Variants in PARD3B observed in about 807,000 individuals in gnomAD.
PARD3B encodes partitioning defective 3 homolog B.
In PARD3B, 103 loss-of-function variants were observed where a neutral mutation model predicts 130.2. The ratio of observed to expected loss-of-function variants is 0.79; its 90% CI spans 0.67 to 0.93. PARD3B has a LOEUF of 0.93. Ranked by LOEUF, PARD3B falls within the 40% of genes least tolerant of loss-of-function variation. PARD3B has a pLI of 0.00. For synonymous variants in PARD3B, 583 were observed against 553.2 expected (o/e 1.05, Z -0.76); for missense variants, 1,609 against 1,499.2 (o/e 1.07, Z -1.21).
At chr2:204,962,483 G>A (rs923726901) in intron 2 of PARD3B, among the ~76,000 whole-genome samples, 3 of 152,050 alleles carry the variant, frequency 2.0e-5, no homozygotes, top group Non-Finnish European at 4.4e-5. Flanking sequence ...CTTTGAATGG[G>A]TTTAAAGGCA....
At chr2:205,203,415 T>C (rs993050281) in intron 15 of PARD3B, among the ~76,000 whole-genome samples, 7 of 150,344 alleles carry the variant, frequency 4.7e-5, no homozygotes, top group African/African-American at 1.7e-4. Flanking sequence ...ACTATACTTT[T>C]ACTTTTTACT....
At position 204,765,806 on chromosome 2, in the gene PARD3B, A is replaced by C. The variant is rs1371147910; in HGVS notation, c.222+79524A>C. The stretch of plus-strand genomic sequence containing the variant: ...TAGCACCTGTGGGCCTTGCCTTAGA[A>C]GATGCCTGACAAGGACAGTTGAAAT... On this transcript the variant is annotated intron_variant, in intron 2 of 22. Coordinates refer to ENST00000406610, the MANE Select transcript of PARD3B (RefSeq NM_001302769.2). Among the ~76,000 whole-genome samples, 3 of 152,180 alleles carry C rather than the reference A, an allele frequency of 2.0e-5. No homozygotes were observed. The East Asian group carries it at 5.8e-4, about 29-fold the overall frequency.
At chr2:205,007,963 G>T (rs752648112) in intron 3 of PARD3B, among the ~76,000 whole-genome samples, 23 of 152,134 alleles carry the variant, frequency 1.5e-4, no homozygotes, top group Non-Finnish European at 3.2e-4. Context: ...TTGCAAAAAA[G>T]ATTGAGTTCC....
Position 205,550,955 on chromosome 2 carries a change from G to GTGTGTGTA in PARD3B, c.3181-2368_3181-2367insGTGTGTAT, listed in dbSNP as rs796567936. Among the ~76,000 whole-genome samples, 1,853 of 93,994 alleles carry GTGTGTGTA rather than the reference G, an allele frequency of 0.02. 37 individuals are homozygous for GTGTGTGTA. The highest frequency in any genetic ancestry group is 0.1 in the East Asian group (298 of 2,978). 61.7% of individuals were successfully genotyped at this position (93,994 alleles called of 152,430 possible). ...TGTGTGTGTGTGTATATATATATGT[G>GTGTGTGTA]TATATATATATATATATATATACAC... On this transcript the variant is annotated intron_variant, in intron 21 of 22. Transcript: ENST00000406610. The surrounding 1 kb of genome is among the most constrained non-coding windows in gnomAD (Gnocchi z 4.5).
At chr2:204,582,399 A>G (rs1314983010) in intron 1 of PARD3B, among the ~76,000 whole-genome samples, 1 of 152,132 alleles carries the variant, frequency 6.6e-6, no homozygotes, top group Admixed American at 6.5e-5. Context: ...TATTTTTCTT[A>G]AGGAAAGATA....
chr2:205,304,828 C>G (rs2042134727), intron 18 of PARD3B, among the ~76,000 whole-genome samples: 1 of 152,030 alleles, frequency 6.6e-6, no homozygotes, highest in Non-Finnish European at 1.5e-5. Flanking sequence ...GCCTATAGTC[C>G]CAGCTACTCA....
chr2:205,076,834 T>C (rs1701095214), intron 4 of PARD3B, among the ~76,000 whole-genome samples: 1 of 152,178 alleles, frequency 6.6e-6, no homozygotes, highest in Non-Finnish European at 1.5e-5. Context: ...TGGGGACCAC[T>C]GCTCTAGATA....
Position 205,185,828 on chromosome 2 carries a change from T to G in PARD3B, c.1989T>G (p.Ser663=). Residue 663 remains serine, a synonymous_variant, in exon 14 of 23, where the codon TCT becomes TCG. Coordinates refer to ENST00000406610, the MANE Select transcript of PARD3B (RefSeq NM_001302769.2). ...SEVPPSPTPH[S]ALGLGLEDYS... ...TTCCACCTTCTCCAACACCACATTC[T>G]GCTCTGGGATTGGGCCTCGAAGATT... The G allele has an allele frequency of 6.2e-7, 1 of 1,614,094 alleles. No homozygotes were observed. Among genetic ancestry groups the G allele is most frequent in the Non-Finnish European group, 8.5e-7 (1 of 1,179,942 alleles).
intron 3 of PARD3B, among the ~76,000 whole-genome samples, chr2:205,030,935 G>A (rs1356273279): frequency 6.6e-6 from 1 of 152,134 alleles, no homozygotes; most frequent in East Asian, 1.9e-4. Context: ...GCTCAGTAAT[G>A]TCTTTTTATT....
At chr2:205,156,478 A>G (rs570393041) in intron 10 of PARD3B, among the ~76,000 whole-genome samples, 12 of 152,198 alleles carry the variant, frequency 7.9e-5, no homozygotes, top group African/African-American at 2.9e-4. Context: ...TTGAAAATGG[A>G]TATTGAATAA....
rs1001023350 is a variant in PARD3B at position 205,258,933 on chromosome 2, AT to A, written c.2185+13118del. ...TTAGGCTGAATTGCTTTTTAATCCC[AT>A]TTTTTTCTGATAGTGATTTGAAAAT... On this transcript the variant is annotated intron_variant, in intron 16 of 22. Transcript: ENST00000406610. The surrounding 1 kb of genome is among the most constrained non-coding windows in gnomAD (Gnocchi z 4.9). 1.3e-5 allele frequency among the ~76,000 whole-genome samples: 2 copies of A among 151,442 alleles called. No individual in the cohort carries two copies. The highest frequency in any genetic ancestry group is 2.4e-5 in the African/African-American group (1 of 41,226).
intron 1 of PARD3B, among the ~76,000 whole-genome samples, chr2:204,584,170 C>G (rs1259415154): frequency 1.3e-5 from 2 of 152,136 alleles, no homozygotes; most frequent in Non-Finnish European, 2.9e-5. Context: ...ATTCAAATAA[C>G]TGAAAGGAGA....
At chr2:205,496,015 T>C (rs1043656371) in intron 20 of PARD3B, among the ~76,000 whole-genome samples, 5 of 152,144 alleles carry the variant, frequency 3.3e-5, no homozygotes, top group African/African-American at 1.2e-4. Flanking sequence ...AATTACAGCA[T>C]TGAGAAAGAA....
At chr2:205,424,590 G>A (rs1267149739) in intron 19 of PARD3B, among the ~76,000 whole-genome samples, 4 of 152,186 alleles carry the variant, frequency 2.6e-5, no homozygotes, top group Non-Finnish European at 5.9e-5. Flanking sequence ...CACCAGCCAG[G>A]TGTGAAATTC....
At chr2:204,821,100 T>C (rs1487621094) in intron 2 of PARD3B, among the ~76,000 whole-genome samples, 1 of 152,164 alleles carries the variant, frequency 6.6e-6, no homozygotes, top group Non-Finnish European at 1.5e-5. Flanking sequence ...AGGAGAGTAA[T>C]GTTGTTTTCA....
Position 205,208,846 on chromosome 2 carries a change from C to G in PARD3B, c.2140+15526C>G, listed in dbSNP as rs1487315352. On this transcript the variant is annotated intron_variant, in intron 15 of 22. Coordinates refer to ENST00000406610, the MANE Select transcript of PARD3B (RefSeq NM_001302769.2). The stretch of plus-strand genomic sequence containing the variant: ...TCCCCATCAAGCTACCAAAGCCTTT[C>G]TTCACAGAATTGGAAAAAACTACTT... Among the ~76,000 whole-genome samples, 2 of 143,354 alleles carry G rather than the reference C, an allele frequency of 1.4e-5. 1 individual carries two copies. Among genetic ancestry groups the G allele is most frequent in the Non-Finnish European group, 3.0e-5 (2 of 66,390 alleles). The allele number at this position is 143,354 out of a possible 152,430, so 94.0% of individuals were successfully genotyped here.
chr2:204,910,012 T>A (rs1253111672), intron 2 of PARD3B, among the ~76,000 whole-genome samples: 1 of 152,130 alleles, frequency 6.6e-6, no homozygotes, highest in Non-Finnish European at 1.5e-5. Flanking sequence ...GTGTATAAGC[T>A]GTTTAGATGA....
intron 1 of PARD3B, among the ~76,000 whole-genome samples, chr2:204,605,847 A>G (rs978833522): frequency 3.9e-5 from 6 of 152,194 alleles, no homozygotes; most frequent in Non-Finnish European, 8.8e-5. Flanking sequence ...ATTTTATGGC[A>G]TAGCATTCAA....
At chr2:204,558,455 G>A (rs1168652740) in intron 1 of PARD3B, among the ~76,000 whole-genome samples, 6 of 152,046 alleles carry the variant, frequency 3.9e-5, no homozygotes. Context: ...GCTAAAAAGG[G>A]AATATAATAC....
Sources: allele counts gnomAD v4.1 joint callset (sites outside exome capture counted in the v4.1 genomes callset), GRCh38; gene constraint gnomAD v4.1.1; non-coding constraint Gnocchi (gnomAD v3.1); transcripts MANE v1.5; gene names NCBI Gene and HGNC (gene_info 2026-07-23, HGNC 2026-07-21).